Variants in MAPK8 observed in about 807,000 individuals in gnomAD.
The protein encoded by MAPK8 is JUN N-terminal kinase.
A neutral mutation model predicts 52.9 loss-of-function variants in MAPK8; 13 were observed. The observed-to-expected ratio is 0.25, with a 90% CI of 0.16 to 0.39. The LOEUF (loss-of-function observed/expected upper bound fraction) is 0.39. MAPK8 is among the 10% of genes least tolerant of loss of function. The probability of loss-of-function intolerance (pLI) is 1.00; values close to 1 mark genes in which losing one functional copy is unlikely to be tolerated. For missense variants in MAPK8, 300 were observed against 519.2 expected (o/e 0.58, Z 4.10); for synonymous variants, 191 against 169.8 (o/e 1.12, Z -0.97).
chr10:48,389,776 A>G (rs1361851985), intron 1 of MAPK8, among the ~76,000 whole-genome samples: 2 of 152,196 alleles, frequency 1.3e-5, no homozygotes, highest in African/African-American at 4.8e-5. Context: ...AGTGGGACAG[A>G]TAATAACCAT....
chr10:48,425,781 C>T (rs956451527), intron 7 of MAPK8, 107 bp from the exon 8 acceptor site: 304 of 609,268 alleles, frequency 5.0e-4, no homozygotes, highest in Admixed American at 7.5e-4. Flanking sequence ...TTATAACTGC[C>T]ACATCCTTTC....
chr10:48,324,406 T>G lies in MAPK8; in HGVS notation c.-50+17585T>G, dbSNP rs185953788. On this transcript the variant is annotated intron_variant, in intron 1 of 11. Coordinates refer to ENST00000374189, the MANE Select transcript of MAPK8 (RefSeq NM_001323329.2). ...CCCCTCTCCTCCAAAAAGGTCAACT[T>G]GTAACTGCTTTTTTCAAACCAATAT... Among the ~76,000 whole-genome samples the G allele has an allele frequency of 1.2e-4, 18 of 152,214 alleles. No individual in the cohort carries two copies. In the East Asian group the frequency reaches 2.1e-3, roughly 18 times the overall value.
At chr10:48,397,669 C>T (rs976637718) in intron 1 of MAPK8, among the ~76,000 whole-genome samples, 3 of 152,136 alleles carry the variant, frequency 2.0e-5, no homozygotes, top group African/African-American at 7.2e-5. Flanking sequence ...TGGCTCACTG[C>T]AACCTTCGTC....
rs539162576 is a variant in MAPK8, at chr10:48,373,571, C to CAAAAAAAAAAAAAAAAAAAAAAAAAAAA, written c.-49-28014_-49-28013insAAAAAAAAAAAAAAAAAAAAAAAAAAAA. The stretch of plus-strand genomic sequence containing the variant: ...GAAGATTTACCAAGTAAATTGAAAG[C>CAAAAAAAAAAAAAAAAAAAAAAAAAAAA]AAAAAAAAAAAAAAAAAAAAAAAAA... On this transcript the variant is annotated intron_variant, in intron 1 of 11. Transcript: ENST00000374189. Among the ~76,000 whole-genome samples, 4 of 16,844 alleles carry CAAAAAAAAAAAAAAAAAAAAAAAAAAAA rather than the reference C, an allele frequency of 2.4e-4. 2 individuals are homozygous for CAAAAAAAAAAAAAAAAAAAAAAAAAAAA. Among genetic ancestry groups the CAAAAAAAAAAAAAAAAAAAAAAAAAAAA allele is most frequent in the African/African-American group, 6.3e-4 (4 of 6,370 alleles). 11.1% of individuals were successfully genotyped at this position (16,844 alleles called of 152,430 possible).
intron 1 of MAPK8, among the ~76,000 whole-genome samples, chr10:48,386,239 A>C (rs1260453983): frequency 6.6e-6 from 1 of 152,180 alleles, no homozygotes; most frequent in Non-Finnish European, 1.5e-5. Flanking sequence ...GAGATTTTTC[A>C]GTATGTAACC....
chr10:48,335,660 C>T (rs1372349791), intron 1 of MAPK8, among the ~76,000 whole-genome samples: 1 of 152,118 alleles, frequency 6.6e-6, no homozygotes, highest in East Asian at 1.9e-4. Context: ...GTTTGTGTGT[C>T]ATTCTTTCAA....
intron 1 of MAPK8, among the ~76,000 whole-genome samples, chr10:48,316,918 T>C (rs557191454): frequency 6.6e-6 from 1 of 152,280 alleles, no homozygotes; most frequent in South Asian, 2.1e-4. Flanking sequence ...AAAACAAGTA[T>C]CCAGACTATC....
At chr10:48,391,084 T>G (rs765507709) in intron 1 of MAPK8, among the ~76,000 whole-genome samples, 2 of 152,118 alleles carry the variant, frequency 1.3e-5, no homozygotes, top group Non-Finnish European at 2.9e-5. Flanking sequence ...AAATATTTCA[T>G]GAAAGGGAAA....
intron 1 of MAPK8, among the ~76,000 whole-genome samples, chr10:48,314,380 A>G (rs1842292240): frequency 6.6e-6 from 1 of 152,154 alleles, no homozygotes; most frequent in African/African-American, 2.4e-5. Context: ...GTAGGCCTTC[A>G]ACATATGAAT....
rs1247131776 is a variant in MAPK8, at chr10:48,310,995, A to G, written c.-50+4174A>G. ...GGTTTTAAGGTCAGCCCTGAGTTCTAATCGTGCTCCAATCTAACTGTGGTA... is the reference window on the plus strand; with the variant it reads ...GGTTTTAAGGTCAGCCCTGAGTTCTGATCGTGCTCCAATCTAACTGTGGTA... On this transcript the variant is annotated intron_variant, in intron 1 of 11. Coordinates refer to ENST00000374189, the MANE Select transcript of MAPK8 (RefSeq NM_001323329.2). Among the ~76,000 whole-genome samples the G allele has an allele frequency of 4.2e-5, 3 of 70,778 alleles. No homozygotes were observed. In the East Asian group the frequency reaches 1.0e-3, roughly 24 times the overall value. 46.4% of individuals were successfully genotyped at this position (70,778 alleles called of 152,430 possible).
intron 1 of MAPK8, among the ~76,000 whole-genome samples, chr10:48,381,991 A>G (rs2041033644): frequency 6.6e-6 from 1 of 152,330 alleles, no homozygotes; most frequent in East Asian, 1.9e-4. Flanking sequence ...AGCCCAGGAC[A>G]GAGGACAGAA....
In MAPK8 at chr10:48,366,259, C is replaced by CA. The variant is rs529306838; in HGVS notation, c.-49-35345dup. On this transcript the variant is annotated intron_variant, in intron 1 of 11. Coordinates refer to ENST00000374189, the MANE Select transcript of MAPK8 (RefSeq NM_001323329.2). ...GTGTATTGTTAAAAACTAAACTAAA[C>CA]AAAAAAAACCCCTAAGAACCTTTAA... 1.3e-4 allele frequency among the ~76,000 whole-genome samples: 20 copies of CA among 150,812 alleles called. No individual in the cohort carries two copies. The South Asian group carries it at 1.9e-3, about 14-fold the overall frequency.
chr10:48,329,578 T>C (rs907734214), intron 1 of MAPK8, among the ~76,000 whole-genome samples: 2 of 152,102 alleles, frequency 1.3e-5, no homozygotes, highest in African/African-American at 2.4e-5. Context: ...AGTGATGATA[T>C]AAGATCAAAG....
intron 1 of MAPK8, among the ~76,000 whole-genome samples, chr10:48,384,462 T>C (rs188457843): frequency 3.3e-4 from 51 of 152,342 alleles, no homozygotes; most frequent in African/African-American, 1.2e-3. Flanking sequence ...ACTGATTTTG[T>C]TGAATGGGTG....
intron 1 of MAPK8, among the ~76,000 whole-genome samples, chr10:48,311,715 A>T (rs1841997819): frequency 6.6e-6 from 1 of 152,204 alleles, no homozygotes; most frequent in Non-Finnish European, 1.5e-5. Context: ...CTCTTAAAAA[A>T]TGAGGGAGAT....
chr10:48,342,907 G>A (rs1291186454), intron 1 of MAPK8, among the ~76,000 whole-genome samples: 1 of 152,140 alleles, frequency 6.6e-6, no homozygotes, highest in African/African-American at 2.4e-5. Flanking sequence ...TAATTGCTGT[G>A]GGTGTGAATG....
At chr10:48,413,857 A>ATATATATATATATATG (rs1439503845) in intron 5 of MAPK8, among the ~76,000 whole-genome samples, 6 of 124,562 alleles carry the variant, frequency 4.8e-5, no homozygotes, top group African/African-American at 1.8e-4. Context: ...ATATATATAT[A>ATATATATATATATATG]TATTCAGAAA....
chr10:48,332,221 C>T (rs942016514), intron 1 of MAPK8, among the ~76,000 whole-genome samples: 1 of 152,180 alleles, frequency 6.6e-6, no homozygotes, highest in African/African-American at 2.4e-5. Flanking sequence ...CAGTCTTCCT[C>T]CTTTGGGCAT....
At chr10:48,410,781 T>A (rs2042705906) in intron 5 of MAPK8, among the ~76,000 whole-genome samples, 1 of 152,236 alleles carries the variant, frequency 6.6e-6, no homozygotes, top group African/African-American at 2.4e-5. Flanking sequence ...CTTCACATCC[T>A]TGTCAGTACT....
Sources: allele counts gnomAD v4.1 joint callset (sites outside exome capture counted in the v4.1 genomes callset), GRCh38; gene constraint gnomAD v4.1.1; transcripts MANE v1.5; gene names NCBI Gene and HGNC (gene_info 2026-07-23, HGNC 2026-07-21).